Variants in SYNE1 observed in about 807,000 individuals in gnomAD.
The protein encoded by SYNE1 is spectrin repeat containing nuclear envelope protein 1.
SYNE1 carries 616 observed loss-of-function variants against 1,111.0 expected under a neutral mutation model. The observed-to-expected ratio is 0.55, with a 90% CI of 0.52 to 0.59. SYNE1 has a LOEUF of 0.59. SYNE1 is among the 20% of genes least tolerant of loss of function. The pLI is 0.00. For missense variants in SYNE1, 10,006 were observed against 10,417.0 expected, an observed-to-expected ratio of 0.96 and a Z score of 1.72; for synonymous variants, 3,855 against 3,825.8, an observed-to-expected ratio of 1.01 and a Z score of -0.28.
chr6:152,259,987 T>C (rs193250607), intron 101 of SYNE1, among the ~76,000 whole-genome samples: 60 of 152,290 alleles, frequency 3.9e-4, no homozygotes, highest in African/African-American at 1.3e-3. Flanking sequence ...GGGCAAGGTT[T>C]GTTCAGTAAG....
chr6:152,380,020 G>C (rs2097374033), intron 56 of SYNE1, among the ~76,000 whole-genome samples: 1 of 152,124 alleles, frequency 6.6e-6, no homozygotes, highest in Non-Finnish European at 1.5e-5. Flanking sequence ...TGATTTCTAT[G>C]CTTTATTCTG....
intron 91 of SYNE1, among the ~76,000 whole-genome samples, chr6:152,303,237 T>G (rs2095263317): frequency 6.6e-6 from 1 of 151,264 alleles, no homozygotes; most frequent in South Asian, 2.1e-4. Flanking sequence ...GGGGATCACT[T>G]GAGATCAGGA....
chr6:152,404,328 A>G lies in SYNE1; in HGVS notation c.6724-14T>C, dbSNP rs768271718. 4.2e-5 allele frequency: 67 copies of G among 1,586,446 alleles called. No homozygotes were observed. The highest frequency in any genetic ancestry group is 5.5e-5 in the Non-Finnish European group (64 of 1,157,222). On this transcript the variant is annotated splice_polypyrimidine_tract_variant and intron_variant, in intron 45 of 145. Transcript: ENST00000367255. ...TTTAACTTCAGACTGCCAAAAGGGA[A>G]GAAACATAACTAATCAAAAACACTG...
chr6:152,244,992 T>TA (rs2086756844), intron 105 of SYNE1, among the ~76,000 whole-genome samples: 1 of 152,108 alleles, frequency 6.6e-6, no homozygotes, highest in Admixed American at 6.6e-5. Context: ...AGGACATAGT[T>TA]AAAAAAAGGT....
chr6:152,227,577 A>G (rs985359669), intron 115 of SYNE1, among the ~76,000 whole-genome samples: 7 of 152,166 alleles, frequency 4.6e-5, no homozygotes. Context: ...TGTGTAGTAT[A>G]GGAAATATAA....
chr6:152,172,753 T>C (rs905186321), intron 130 of SYNE1, among the ~76,000 whole-genome samples: 1 of 152,140 alleles, frequency 6.6e-6, no homozygotes, highest in Non-Finnish European at 1.5e-5. Flanking sequence ...GCTTCTTATG[T>C]TGACTTTTAA....
intron 58 of SYNE1, among the ~76,000 whole-genome samples, chr6:152,375,006 T>A (rs1171844302): frequency 5.9e-5 from 9 of 151,958 alleles, no homozygotes; most frequent in Non-Finnish European, 1.0e-4. Context: ...AGTGGCGCAA[T>A]CTTGGCTCAC....
At chr6:152,572,341 T>A (rs1053649678) in intron 3 of SYNE1, among the ~76,000 whole-genome samples, 3 of 152,220 alleles carry the variant, frequency 2.0e-5, no homozygotes, top group African/African-American at 7.2e-5. Flanking sequence ...ATTAATTACA[T>A]GTATCCAAAA....
chr6:152,145,021 C>T lies in SYNE1; in HGVS notation c.24977-1256G>A, dbSNP rs544120211. ...ATCTGATCTCACCCCTTGTCTCATA[C>T]GGGATTCTTGAGATGAGGAGGATAA... On this transcript the variant is annotated intron_variant, in intron 137 of 145. Coordinates refer to ENST00000367255, the MANE Select transcript of SYNE1 (RefSeq NM_182961.4). The T allele has an allele frequency of 3.3e-3, 620 of 190,516 alleles. 6 individuals are homozygous for T. Among genetic ancestry groups the T allele is most frequent in the South Asian group, 9.4e-3 (91 of 9,708 alleles). 11.8% of individuals were successfully genotyped at this position (190,516 alleles called of 1,614,324 possible). A position where few individuals can be genotyped will look rare whatever the true frequency, so the allele number is the denominator to read the frequency against.
rs189966596 is a variant in SYNE1 at position 152,189,795 on chromosome 6, G to A, written c.23146-388C>T. Among the ~76,000 whole-genome samples, 283 of 152,322 alleles carry A rather than the reference G, an allele frequency of 1.9e-3. 1 individual carries two copies. The highest frequency in any genetic ancestry group is 3.0e-3 in the Non-Finnish European group (201 of 68,022). On this transcript the variant is annotated intron_variant, in intron 127 of 145. Coordinates refer to ENST00000367255, the MANE Select transcript of SYNE1 (RefSeq NM_182961.4). The stretch of plus-strand genomic sequence containing the variant: ...GCAAGTCATAATCTTCTTGCTGGTG[G>A]AAGGTCTTGGCTCAACGTGAAAGGC...
intron 2 of SYNE1, among the ~76,000 whole-genome samples, chr6:152,636,007 C>T (rs764492181): frequency 4.6e-5 from 7 of 152,206 alleles, no homozygotes; most frequent in African/African-American, 1.7e-4. Flanking sequence ...ACCTGGCCGC[C>T]TGTGCACCAC....
Position 152,504,277 on chromosome 6 carries a change from C to A in SYNE1, c.778+924G>T, listed in dbSNP as rs117853647. On this transcript the variant is annotated intron_variant, in intron 9 of 145. Coordinates refer to ENST00000367255, the MANE Select transcript of SYNE1 (RefSeq NM_182961.4). ...GCAGAGTGGGACTCAAAAACAGAAT[C>A]CTAAAATGGCAAGGAATCTCCATGG... Among the ~76,000 whole-genome samples, 866 of 152,216 alleles carry A rather than the reference C, an allele frequency of 5.7e-3. 4 individuals are homozygous for A. The highest frequency in any genetic ancestry group is 8.7e-3 in the Non-Finnish European group (589 of 68,010).
At chr6:152,303,903 GCA>G (rs59642173) in intron 91 of SYNE1, among the ~76,000 whole-genome samples, 23,696 of 149,068 alleles carry the variant, frequency 0.16, 2,189 homozygotes, top group South Asian at 0.26. Context: ...GTGTGCACAT[GCA>G]CACACACACA....
At chr6:152,512,308 C>T (rs1213750539) in intron 6 of SYNE1, among the ~76,000 whole-genome samples, 1 of 152,238 alleles carries the variant, frequency 6.6e-6, no homozygotes, top group Non-Finnish European at 1.5e-5. Flanking sequence ...GTATAGATTA[C>T]AAACTTGTAT....
rs762549419 is a variant in SYNE1, at chr6:152,404,327, A to G, written c.6724-13T>C. ...TTTTAACTTCAGACTGCCAAAAGGGAAGAAACATAACTAATCAAAAACACT... is the reference window on the plus strand; with the variant it reads ...TTTTAACTTCAGACTGCCAAAAGGGGAGAAACATAACTAATCAAAAACACT... On this transcript the variant is annotated splice_polypyrimidine_tract_variant and intron_variant, in intron 45 of 145. Transcript: ENST00000367255. 1 of 1,586,484 alleles carries G rather than the reference A, an allele frequency of 6.3e-7. No homozygotes were observed. The highest frequency in any genetic ancestry group is 1.7e-5 in the Admixed American group (1 of 59,876).
intron 6 of SYNE1, among the ~76,000 whole-genome samples, chr6:152,512,367 T>C (rs1013035533): frequency 6.6e-6 from 1 of 152,188 alleles, no homozygotes; most frequent in African/African-American, 2.4e-5. Context: ...GATATCTTTA[T>C]GGAAAATAAA....
chr6:152,143,925 G>T, intron 137 of SYNE1, 160 bp from the exon 138 acceptor site: 1 of 1,050,974 alleles, frequency 9.5e-7, no homozygotes, highest in Non-Finnish European at 1.4e-6. Context: ...GTGCCGGTGG[G>T]TTAGACATTA....
At chr6:152,515,825 C>T (rs1370187883) in intron 6 of SYNE1, among the ~76,000 whole-genome samples, 1 of 152,344 alleles carries the variant, frequency 6.6e-6, no homozygotes, top group Non-Finnish European at 1.5e-5. Context: ...TCACCACAGT[C>T]ACATTTACAC....
intron 72 of SYNE1, 82 bp downstream of exon 72, chr6:152,350,086 A>G: frequency 1.3e-6 from 2 of 1,528,896 alleles, no homozygotes; most frequent in Non-Finnish European, 1.8e-6. Flanking sequence ...GCACCCCCAC[A>G]CATGCACACA....
Sources: allele counts gnomAD v4.1 joint callset (sites outside exome capture counted in the v4.1 genomes callset), GRCh38; gene constraint gnomAD v4.1.1; transcripts MANE v1.5; gene names NCBI Gene and HGNC (gene_info 2026-07-23, HGNC 2026-07-21).